Variants in DLGAP2 observed in about 807,000 individuals in gnomAD.
DLGAP2 encodes DLG associated protein 2.
In DLGAP2, 26 loss-of-function variants were observed where a neutral mutation model predicts 100.3. That is an observed-to-expected ratio of 0.26 (90% CI 0.19 to 0.36). The LOEUF is 0.36. Among genes scored for constraint, DLGAP2 ranks in the 10% least tolerant of loss-of-function variants. The pLI is 1.00. For synonymous variants in DLGAP2, 886 were observed against 630.1 expected, an observed-to-expected ratio of 1.41 and a Z score of -6.08; for missense variants, 1,858 against 1,453.2, an observed-to-expected ratio of 1.28 and a Z score of -4.53.
At chr8:1,085,368 C>T (rs1008110996) in intron 2 of DLGAP2, among the ~76,000 whole-genome samples, 3 of 152,170 alleles carry the variant, frequency 2.0e-5, no homozygotes, top group Non-Finnish European at 2.9e-5. Flanking sequence ...TGGATACAGT[C>T]TTATTTCTCT....
chr8:1,051,865 T>G (rs1450699353), intron 2 of DLGAP2, among the ~76,000 whole-genome samples: 1 of 152,188 alleles, frequency 6.6e-6, no homozygotes, highest in African/African-American at 2.4e-5. Flanking sequence ...ACTGGGAGTC[T>G]GCTACGGGTT....
At chr8:1,097,515 C>T (rs6986216) in intron 2 of DLGAP2, among the ~76,000 whole-genome samples, 50,790 of 103,886 alleles carry the variant, frequency 0.49, 13,676 homozygotes, top group Non-Finnish European at 0.64. Flanking sequence ...GGAGAGGTCC[C>T]CTCCAGCGTG....
At chr8:1,164,343 C>CCCA (rs1563224521) in intron 2 of DLGAP2, among the ~76,000 whole-genome samples, 11,630 of 126,616 alleles carry the variant, frequency 0.092, 1,457 homozygotes, top group Middle Eastern at 0.2. Context: ...TCTGTGAGCC[C>CCCA]GCAGGGCCCG....
At chr8:1,210,191 T>A (rs1037518319) in intron 2 of DLGAP2, among the ~76,000 whole-genome samples, 2 of 152,148 alleles carry the variant, frequency 1.3e-5, no homozygotes, top group African/African-American at 4.8e-5. Flanking sequence ...TGGGCTCTGC[T>A]GGGCATGTGA....
rs184907384 is a variant in DLGAP2, at chr8:1,319,779, C to T, written c.106+60896C>T. 2.7e-3 allele frequency among the ~76,000 whole-genome samples: 418 copies of T among 152,230 alleles called. 3 individuals carry two copies. The highest frequency in any genetic ancestry group is 4.8e-3 in the Non-Finnish European group (325 of 68,024). ...CAGTTTCCAGGCAGGGAGATGTTGTCTGTAAGGGGCCAGAGACCGGAAGGA... is the reference window on the plus strand; with the variant it reads ...CAGTTTCCAGGCAGGGAGATGTTGTTTGTAAGGGGCCAGAGACCGGAAGGA... On this transcript the variant is annotated intron_variant, in intron 3 of 14. Transcript: ENST00000637795.
chr8:1,191,990 C>A (rs1474217342), intron 2 of DLGAP2, among the ~76,000 whole-genome samples: 2 of 152,222 alleles, frequency 1.3e-5, no homozygotes, highest in Non-Finnish European at 2.9e-5. Flanking sequence ...ATCTCAAAAT[C>A]ACAGCATGGG....
chr8:1,565,995 A>T, intron 6 of DLGAP2, 101 bp downstream of exon 6: 1 of 1,017,718 alleles, frequency 9.8e-7, no homozygotes, highest in Non-Finnish European at 1.4e-6. Flanking sequence ...CATCCATTTA[A>T]ACTAAATTGC....
rs117983513 is a variant in DLGAP2, at chr8:881,066, G to A, written c.19-26846G>A. On this transcript the variant is annotated intron_variant, in intron 1 of 14. Coordinates refer to ENST00000637795, the MANE Select transcript of DLGAP2 (RefSeq NM_001346810.2). ...TCTACCTTCATTTTGCAAAGCTCAG[G>A]TGATATTCACAAGAATTTGCGAAGA... Among the ~76,000 whole-genome samples, 147 of 152,244 alleles carry A rather than the reference G, an allele frequency of 9.7e-4. 3 individuals carry two copies. The East Asian group carries it at 0.021, about 21-fold the overall frequency.
chr8:1,347,583 A>T (rs1801594993), intron 3 of DLGAP2, among the ~76,000 whole-genome samples: 1 of 150,790 alleles, frequency 6.6e-6, no homozygotes, highest in South Asian at 2.1e-4. Flanking sequence ...CTGTCTTGGT[A>T]ACTGTGTGGA....
intron 1 of DLGAP2, among the ~76,000 whole-genome samples, chr8:745,663 A>G (rs1159045971): frequency 6.6e-6 from 1 of 152,232 alleles, no homozygotes; most frequent in Non-Finnish European, 1.5e-5. Context: ...TTCATAGTAT[A>G]ATATTGGAAA....
At chr8:1,466,677 A>G (rs1798635086) in intron 3 of DLGAP2, among the ~76,000 whole-genome samples, 1 of 152,152 alleles carries the variant, frequency 6.6e-6, no homozygotes, top group African/African-American at 2.4e-5. Context: ...ATTTCTGCTC[A>G]GTGGCATTTC....
chr8:757,023 C>T (rs188281744), intron 1 of DLGAP2, among the ~76,000 whole-genome samples: 2 of 152,310 alleles, frequency 1.3e-5, no homozygotes, highest in East Asian at 1.9e-4. Context: ...AAGCTGTTTC[C>T]GTGCAGTTCC....
intron 2 of DLGAP2, among the ~76,000 whole-genome samples, chr8:922,566 A>C (rs921570038): frequency 1.3e-5 from 2 of 152,240 alleles, no homozygotes; most frequent in African/African-American, 2.4e-5. Flanking sequence ...ATTTCTAAGC[A>C]GCACCTTATT....
intron 2 of DLGAP2, among the ~76,000 whole-genome samples, chr8:1,178,186 A>T (rs907150078): frequency 2.6e-5 from 4 of 152,212 alleles, no homozygotes; most frequent in Admixed American, 2.0e-4. Flanking sequence ...TAAATTCAGG[A>T]AGATAGTAGT....
intron 3 of DLGAP2, among the ~76,000 whole-genome samples, chr8:1,382,220 G>C (rs1206700359): frequency 1.3e-5 from 2 of 152,164 alleles, no homozygotes; most frequent in African/African-American, 2.4e-5. Context: ...GAAAGAAAAT[G>C]TTATGAAAAT....
chr8:1,280,760 G>A (rs560532846), intron 3 of DLGAP2, among the ~76,000 whole-genome samples: 3 of 152,366 alleles, frequency 2.0e-5, no homozygotes, highest in African/African-American at 7.2e-5. Context: ...AAGGGCAGTT[G>A]GGGGTCAGGT....
At chr8:1,457,558 G>C (rs1798349165) in intron 3 of DLGAP2, among the ~76,000 whole-genome samples, 1 of 152,182 alleles carries the variant, frequency 6.6e-6, no homozygotes, top group African/African-American at 2.4e-5. Context: ...CTTTAATTCT[G>C]ATAAGACAGA....
At chr8:946,299 T>C (rs1421615270) in intron 2 of DLGAP2, among the ~76,000 whole-genome samples, 1 of 151,352 alleles carries the variant, frequency 6.6e-6, no homozygotes, top group Non-Finnish European at 1.5e-5. Flanking sequence ...AGTCTCACTC[T>C]GTCATCCAGG....
In DLGAP2 at chr8:1,482,595, T is replaced by G. The variant is rs956661294; in HGVS notation, c.107-18771T>G. Among the ~76,000 whole-genome samples, 5 of 152,244 alleles carry G rather than the reference T, an allele frequency of 3.3e-5. No homozygotes were observed. The South Asian group carries it at 1.0e-3, about 31-fold the overall frequency. On this transcript the variant is annotated intron_variant, in intron 3 of 14. Coordinates refer to ENST00000637795, the MANE Select transcript of DLGAP2 (RefSeq NM_001346810.2). ...AGCTCACTGGCATGGCTCGCTCTCG[T>G]GGGCCACGGGGTGGGCGGCTTGCTC...
Sources: gnomAD v4.1 joint callset for allele counts (sites outside exome capture counted in the v4.1 genomes callset) on GRCh38, gnomAD v4.1.1 for gene constraint, MANE v1.5 for transcripts, NCBI Gene and HGNC (gene_info 2026-07-23, HGNC 2026-07-21) for gene names.